Variants in PRPF3 observed in about 807,000 individuals in gnomAD.
PRPF3 encodes the protein U4/U6 small nuclear ribonucleoprotein Prp3.
In PRPF3, 3 loss-of-function variants were observed where a neutral mutation model predicts 89.2. The observed-to-expected ratio is 0.03, with a 90% confidence interval of 0.02 to 0.09. The LOEUF is 0.09. Ranked by LOEUF, PRPF3 falls within the 10% of genes least tolerant of loss-of-function variation. The pLI, the probability that PRPF3 is intolerant of heterozygous loss-of-function variation, is 1.00. For missense variants in PRPF3, 463 were observed against 828.8 expected (o/e 0.56, Z 5.42); for synonymous variants, 270 against 289.1 (o/e 0.93, Z 0.67).
At chr1:150,341,651 C>T (rs1284963976) in intron 9 of PRPF3, among the ~76,000 whole-genome samples, 3 of 151,660 alleles carry the variant, frequency 2.0e-5, no homozygotes, top group African/African-American at 7.3e-5. Context: ...GGTGATCTGC[C>T]AGCCTTGGCC....
At chr1:150,344,022 A>G (rs1658043357) in intron 10 of PRPF3, 140 bp from the exon 11 acceptor site, 1 of 752,124 alleles carries the variant, frequency 1.3e-6, no homozygotes, top group South Asian at 1.5e-5. Flanking sequence ...GATTTTCAAG[A>G]TAGGAGTTAT....
intron 7 of PRPF3, among the ~76,000 whole-genome samples, chr1:150,337,877 C>T (rs1553868584): frequency 6.6e-6 from 1 of 151,974 alleles, no homozygotes; most frequent in Admixed American, 6.6e-5. Context: ...GAGTTTGAGA[C>T]CAGGCTGAGC....
At chr1:150,327,317 C>T (rs1043221042) in intron 3 of PRPF3, among the ~76,000 whole-genome samples, 2 of 152,052 alleles carry the variant, frequency 1.3e-5, no homozygotes, top group African/African-American at 4.8e-5. Context: ...CTGCTCGCCT[C>T]GGCCTCCCAA....
At chr1:150,350,140 C>T (rs1658764547) in intron 15 of PRPF3, among the ~76,000 whole-genome samples, 3 of 151,818 alleles carry the variant, frequency 2.0e-5, no homozygotes, top group Non-Finnish European at 2.9e-5. Flanking sequence ...AGGTGATCCG[C>T]CTGCCTCGGC....
chr1:150,340,826 T>C (rs141801220), intron 9 of PRPF3, among the ~76,000 whole-genome samples: 3 of 152,014 alleles, frequency 2.0e-5, no homozygotes, highest in Non-Finnish European at 4.4e-5. Context: ...GAAAAAAAAT[T>C]TGGCTGGGTA....
Position 150,328,386 on chromosome 1 carries a change from C to G in PRPF3, c.343C>G (p.Arg115Gly). 2 of 1,613,798 alleles carry G rather than the reference C, an allele frequency of 1.2e-6. No homozygotes were observed. The highest frequency in any genetic ancestry group is 2.2e-5 in the South Asian group (2 of 91,074). The change falls in exon 4 of 16, where the codon CGT becomes GGT. Residue 115 changes from arginine (R) to glycine (G), a missense_variant. Around this residue, in one of 8 missense-constraint regions of PRPF3, gnomAD observed 28 missense variants for 48.1 expected, o/e 0.58. Coordinates refer to ENST00000324862, the MANE Select transcript of PRPF3 (RefSeq NM_004698.4). ...SSGVKKRRIP[R>G]FEEVEEEPEV... is the part of the protein sequence containing the mutation. ...AGGAGTAAAGAAGCGACGAATACCC[C>G]GTTTTGAGGAGGTGGAAGAAGAGCC...
intron 7 of PRPF3, 21 bp from the exon 8 acceptor site, chr1:150,338,139 C>T (rs782257517): frequency 1.2e-6 from 2 of 1,612,132 alleles, no homozygotes; most frequent in African/African-American, 2.7e-5. Flanking sequence ...ATCTTTCTGT[C>T]TTGGATTATC....
intron 9 of PRPF3, among the ~76,000 whole-genome samples, chr1:150,342,988 A>G (rs948725275): frequency 2.0e-5 from 3 of 151,978 alleles, no homozygotes; most frequent in African/African-American, 7.2e-5. Context: ...TTTTAATGAT[A>G]TTGATATTTA....
intron 3 of PRPF3, 57 bp from the exon 4 acceptor site, chr1:150,328,263 C>T: frequency 6.2e-7 from 1 of 1,601,886 alleles, no homozygotes; most frequent in Admixed American, 1.7e-5. Flanking sequence ...TAGGATAATT[C>T]TTCCCTTCTC....
At chr1:150,352,784 TG>T (rs782728274) in intron 15 of PRPF3, 48 bp from the exon 16 acceptor site, 9 of 1,573,038 alleles carry the variant, frequency 5.7e-6, no homozygotes, top group Non-Finnish European at 7.8e-6. Context: ...GAATATTATC[TG>T]ATTTAAATAA....
intron 8 of PRPF3, among the ~76,000 whole-genome samples, chr1:150,339,149 T>C (rs1227291363): frequency 6.6e-6 from 1 of 151,638 alleles, no homozygotes; most frequent in East Asian, 1.9e-4. Flanking sequence ...GAAGGATTGC[T>C]TGAGCCCAGG....
chr1:150,324,864 A>G, intron 1 of PRPF3, 31 bp from the exon 2 acceptor site: 1 of 1,521,258 alleles, frequency 6.6e-7, no homozygotes, highest in South Asian at 1.2e-5. Flanking sequence ...GTCTTTTCTT[A>G]TTCTCTAACT....
intron 6 of PRPF3, among the ~76,000 whole-genome samples, chr1:150,334,086 C>T (rs1656717739): frequency 6.6e-6 from 1 of 152,118 alleles, no homozygotes; most frequent in African/African-American, 2.4e-5. Flanking sequence ...TGGCAGATTG[C>T]TTGAGCTCAG....
intron 3 of PRPF3, 56 bp downstream of exon 3, chr1:150,325,937 T>G: frequency 6.3e-7 from 1 of 1,596,842 alleles, no homozygotes; most frequent in Non-Finnish European, 8.6e-7. Context: ...GGTAACAGAG[T>G]TGCTGAGCTT....
At chr1:150,343,895 G>A (rs2102011375) in intron 10 of PRPF3, among the ~76,000 whole-genome samples, 1 of 152,274 alleles carries the variant, frequency 6.6e-6, no homozygotes, top group South Asian at 2.1e-4. Flanking sequence ...TGATCAGTGT[G>A]AAAAATATGA....
At chr1:150,339,619 G>A (rs587694763) in intron 8 of PRPF3, among the ~76,000 whole-genome samples, 10 of 149,294 alleles carry the variant, frequency 6.7e-5, no homozygotes, top group Admixed American at 3.3e-4. Flanking sequence ...GGTGTTTTTA[G>A]TAGAGACGAG....
intron 4 of PRPF3, among the ~76,000 whole-genome samples, chr1:150,331,588 C>G (rs1656400534): frequency 6.6e-6 from 1 of 151,560 alleles, no homozygotes; most frequent in Non-Finnish European, 1.5e-5. Context: ...TGGTCTTCAG[C>G]TCCTGACCTC....
chr1:150,327,054 T>C (rs1401853256), intron 3 of PRPF3, among the ~76,000 whole-genome samples: 1 of 151,566 alleles, frequency 6.6e-6, no homozygotes, highest in Non-Finnish European at 1.5e-5. Flanking sequence ...CGATAGGGCA[T>C]ACTTCTTTTT....
intron 7 of PRPF3, 117 bp downstream of exon 7, chr1:150,335,358 C>A: frequency 8.0e-7 from 1 of 1,255,036 alleles, no homozygotes. Context: ...AAGCAGCAGT[C>A]CTCAACCTTT....
Sources: gnomAD v4.1 joint callset for allele counts (sites outside exome capture counted in the v4.1 genomes callset) on GRCh38, gnomAD v4.1.1 for gene constraint, gnomAD v4.1.1 regional missense constraint, MANE v1.5 for transcripts, NCBI Gene and HGNC (gene_info 2026-07-23, HGNC 2026-07-21) for gene names.